The following KLC1 variants were observed in gnomAD, a reference collection of about 807,000 sequenced individuals.
KLC1 encodes the protein kinesin 2 60/70kDa.
In KLC1, 30 loss-of-function variants were observed where a neutral mutation model predicts 84.2. That is an observed-to-expected ratio of 0.36 (90% CI 0.27 to 0.48). The LOEUF is 0.48. Ranked by LOEUF, KLC1 falls within the 20% of genes least tolerant of loss-of-function variation. The probability of loss-of-function intolerance (pLI) is 0.99; values close to 1 mark genes in which losing one functional copy is unlikely to be tolerated. For synonymous variants in KLC1, 289 were observed against 293.3 expected (o/e 0.99, Z 0.15); for missense variants, 499 against 805.4 (o/e 0.62, Z 4.60).
intron 1 of KLC1, among the ~76,000 whole-genome samples, chr14:103,631,227 C>T (rs1279195916): frequency 2.0e-5 from 3 of 151,990 alleles, no homozygotes; most frequent in Non-Finnish European, 2.9e-5. Flanking sequence ...ACCACAGGCG[C>T]CCGCCACCAC....
chr14:103,658,562 A>G lies in KLC1; in HGVS notation c.492+786A>G, dbSNP rs189873987. Among the ~76,000 whole-genome samples the G allele has an allele frequency of 1.4e-3, 203 of 149,108 alleles. 1 individual carries two copies. Among genetic ancestry groups the G allele is most frequent in the African/African-American group, 4.8e-3 (193 of 40,238 alleles). Reference sequence around the variant, plus strand: ...AGTGCTGGTATTCCAGGTGGGAGCCACCATGCCCAGCCTTCTTTCTCTGTT... The same window carrying G: ...AGTGCTGGTATTCCAGGTGGGAGCCGCCATGCCCAGCCTTCTTTCTCTGTT... On this transcript the variant is annotated intron_variant, in intron 3 of 16. Coordinates refer to ENST00000334553, the MANE Select transcript of KLC1 (RefSeq NM_001394837.1).
intron 2 of KLC1, among the ~76,000 whole-genome samples, chr14:103,655,675 C>G (rs1247178220): frequency 2.0e-5 from 3 of 151,992 alleles, no homozygotes; most frequent in African/African-American, 7.3e-5. Flanking sequence ...ATGGCTCAAT[C>G]TCAGATCACT....
chr14:103,659,244 C>T (rs111447566), intron 3 of KLC1, among the ~76,000 whole-genome samples: 4,489 of 151,886 alleles, frequency 0.03, 229 homozygotes, highest in African/African-American at 0.1. Flanking sequence ...GGATTACAGG[C>T]GTGAGCCACC....
rs971410976 is a variant in KLC1, at chr14:103,661,278, C to G, written c.493-838C>G. 2.0e-5 allele frequency among the ~76,000 whole-genome samples: 3 copies of G among 152,142 alleles called. No homozygotes were observed. In the East Asian group the frequency reaches 5.8e-4, roughly 29 times the overall value. The stretch of plus-strand genomic sequence containing the variant: ...GCATTGTTTCACTGTGTCCCAGGGT[C>G]CAGTTCAGGGGTACATCCTGCATGT... On this transcript the variant is annotated intron_variant, in intron 3 of 16. Coordinates refer to ENST00000334553, the MANE Select transcript of KLC1 (RefSeq NM_001394837.1).
intron 15 of KLC1, chr14:103,696,124 G>A (rs890927489): frequency 1.4e-5 from 13 of 905,088 alleles, no homozygotes; most frequent in African/African-American, 2.5e-5. Flanking sequence ...CACAGCAGCC[G>A]TGTGTGCAGC....
At chr14:103,654,923 A>G (rs2078715510) in intron 2 of KLC1, 98 bp downstream of exon 2, 1 of 1,360,146 alleles carries the variant, frequency 7.4e-7, no homozygotes, top group Non-Finnish European at 1.0e-6. Context: ...AGGAAAGATG[A>G]TTATAGAATA....
At chr14:103,696,093 C>G in intron 15 of KLC1, 1 of 129,316 alleles carries the variant, frequency 7.7e-6, no homozygotes, top group Admixed American at 5.7e-4. Flanking sequence ...AATCACTGCG[C>G]CCCCGCCCCC....
At chr14:103,680,713 C>A (rs551698378) in intron 13 of KLC1, among the ~76,000 whole-genome samples, 1 of 152,176 alleles carries the variant, frequency 6.6e-6, no homozygotes, top group South Asian at 2.1e-4. Context: ...GCCTCCCTGT[C>A]GCCCGCATCC....
Position 103,662,704 on chromosome 14 carries a change from C to A in KLC1, c.574C>A (p.Gln192Lys). 6.3e-7 allele frequency: 1 copy of A among 1,576,048 alleles called. No homozygotes were observed. Among genetic ancestry groups the A allele is most frequent in the South Asian group, 1.1e-5 (1 of 88,154 alleles). The change falls in exon 5 of 17, where the codon CAG (glutamine) becomes AAG (lysine). Residue 192 changes from glutamine (Q) to lysine (K), a missense_variant and splice_region_variant. Around this residue, in one of 3 missense-constraint regions of KLC1, gnomAD observed 179 missense variants for 264.2 expected, o/e 0.68. Transcript: ENST00000334553. ...NDEDDPGQGI[Q>K]QQHSSAAAAA... The stretch of plus-strand genomic sequence containing the variant: ...TGAAGTGAACTTTCTCGGTGCAGTC[C>A]AGCAGCAGCACAGCAGTGCAGCCGC...
At chr14:103,642,469 G>T (rs917414977) in intron 1 of KLC1, among the ~76,000 whole-genome samples, 3 of 152,112 alleles carry the variant, frequency 2.0e-5, no homozygotes, top group African/African-American at 7.2e-5. Context: ...TTTTCCCATG[G>T]TTAAGTCAGG....
At chr14:103,629,993 C>T (rs1258568054) in intron 1 of KLC1, among the ~76,000 whole-genome samples, 1 of 152,194 alleles carries the variant, frequency 6.6e-6, no homozygotes, top group East Asian at 1.9e-4. Context: ...CTTCCACCCC[C>T]GCCTCTCCCG....
At chr14:103,671,419 G>C (rs895368561) in intron 7 of KLC1, among the ~76,000 whole-genome samples, 1 of 151,994 alleles carries the variant, frequency 6.6e-6, no homozygotes, top group African/African-American at 2.4e-5. Flanking sequence ...GCCCAGGCTG[G>C]AGTGCAGTGG....
chr14:103,684,794 T>A (rs1363504390), intron 13 of KLC1: 1 of 581,850 alleles, frequency 1.7e-6, no homozygotes, highest in African/African-American at 1.9e-5. Context: ...TGCCAAGCAT[T>A]TAGTTGAGGT....
chr14:103,700,993 G>A (rs929957675), intron 16 of KLC1, among the ~76,000 whole-genome samples: 2 of 152,232 alleles, frequency 1.3e-5, no homozygotes, highest in African/African-American at 4.8e-5. Context: ...CGTGCCAGAC[G>A]CAGGCCTTTG....
intron 10 of KLC1, 34 bp downstream of exon 10, chr14:103,675,635 G>A (rs1278064340): frequency 6.2e-7 from 1 of 1,601,584 alleles, no homozygotes; most frequent in Middle Eastern, 1.7e-4. Flanking sequence ...TTTCTAAATT[G>A]TATATACTGC....
At chr14:103,683,465 G>C (rs1292926402) in intron 13 of KLC1, 1 of 152,144 alleles carries the variant, frequency 6.6e-6, no homozygotes, top group Non-Finnish European at 1.5e-5. Context: ...TCCTTTTCTG[G>C]GTAAAACTGG....
intron 15 of KLC1, chr14:103,698,623 T>C: frequency 1.5e-6 from 1 of 652,022 alleles, no homozygotes; most frequent in Non-Finnish European, 2.7e-6. Flanking sequence ...CCAGCTCAGA[T>C]GGGGGTCAGT....
chr14:103,685,904 G>A, intron 13 of KLC1: 2 of 1,124,048 alleles, frequency 1.8e-6, no homozygotes, highest in Non-Finnish European at 2.2e-6. Context: ...TAATACACGA[G>A]TTTAAAAATT....
intron 13 of KLC1, among the ~76,000 whole-genome samples, chr14:103,680,611 G>A (rs891987650): frequency 2.0e-5 from 3 of 152,240 alleles, no homozygotes; most frequent in Middle Eastern, 3.4e-3. Context: ...TCTTGCTTTG[G>A]TTTTTCTCTG....
Sources: allele counts gnomAD v4.1 joint callset (sites outside exome capture counted in the v4.1 genomes callset), GRCh38; gene constraint gnomAD v4.1.1; regional missense constraint gnomAD v4.1.1; transcripts MANE v1.5; gene names NCBI Gene and HGNC (gene_info 2026-07-23, HGNC 2026-07-21).